The following KIAA1217 variants were observed in gnomAD, a reference collection of about 807,000 sequenced individuals.
The protein encoded by KIAA1217 is sickle tail protein homolog.
A neutral mutation model predicts 163.9 loss-of-function variants in KIAA1217; 88 were observed. The ratio of observed to expected loss-of-function variants is 0.54; its 90% CI spans 0.45 to 0.64. The LOEUF (loss-of-function observed/expected upper bound fraction) is 0.64, where lower values mean the gene tolerates loss of function less well. Ranked by LOEUF, KIAA1217 falls within the 30% of genes least tolerant of loss-of-function variation. KIAA1217 has a pLI of 0.00. For missense variants in KIAA1217, 2,372 were observed against 2,475.0 expected, an observed-to-expected ratio of 0.96 and a Z score of 0.88; for synonymous variants, 903 against 923.1, an observed-to-expected ratio of 0.98 and a Z score of 0.39.
intron 1 of KIAA1217, among the ~76,000 whole-genome samples, chr10:23,981,768 C>T (rs1240137494): frequency 2.0e-5 from 3 of 152,080 alleles, no homozygotes; most frequent in Admixed American, 6.6e-5. Flanking sequence ...GAGAACTGTG[C>T]TTGGGCCTCC....
chr10:23,745,074 A>G, intron 1 of KIAA1217, among the ~76,000 whole-genome samples: 1 of 152,210 alleles, frequency 6.6e-6, no homozygotes, highest in South Asian at 2.1e-4. Flanking sequence ...GGCCAGTCAT[A>G]TTGACATATA....
At chr10:23,799,753 G>T (rs2130953588) in intron 1 of KIAA1217, among the ~76,000 whole-genome samples, 1 of 152,226 alleles carries the variant, frequency 6.6e-6, no homozygotes, top group African/African-American at 2.4e-5. Flanking sequence ...ATTCTATTCT[G>T]TTCTATTAAG....
intron 1 of KIAA1217, among the ~76,000 whole-genome samples, chr10:23,970,948 G>C (rs1456653973): frequency 1.3e-5 from 2 of 152,192 alleles, no homozygotes; most frequent in Non-Finnish European, 2.9e-5. Context: ...TTTACAGAAG[G>C]AGTGAAAGTT....
At chr10:24,322,124 A>G (rs533436287) in intron 2 of KIAA1217, among the ~76,000 whole-genome samples, 81 of 151,902 alleles carry the variant, frequency 5.3e-4, no homozygotes, top group African/African-American at 1.8e-3. Flanking sequence ...AATTATTATT[A>G]TTATCATTTG....
chr10:24,255,744 G>A (rs1213791533), intron 2 of KIAA1217: 4 of 226,864 alleles, frequency 1.8e-5, no homozygotes, highest in South Asian at 4.5e-5. Flanking sequence ...AAAGAGGGCC[G>A]GGGGCCAATC....
chr10:23,884,098 A>G (rs942913663), intron 1 of KIAA1217, among the ~76,000 whole-genome samples: 1 of 151,890 alleles, frequency 6.6e-6, no homozygotes. Context: ...GTGGCCATTA[A>G]GTTTTCAACT....
Position 24,513,281 on chromosome 10 carries a change from G to A in KIAA1217, c.2024G>A (p.Arg675Lys). 1 of 1,614,126 alleles carries A rather than the reference G, an allele frequency of 6.2e-7. No homozygotes were observed. The highest frequency in any genetic ancestry group is 1.1e-5 in the South Asian group (1 of 91,080). The change falls in exon 10 of 21, where the codon AGG becomes AAG. Residue 675 changes from arginine (R) to lysine (K), a missense_variant. Physicochemically the swap from Arg to Lys is conservative, Grantham distance 26 (BLOSUM62 2). Around this residue, in one of 3 missense-constraint regions of KIAA1217, gnomAD observed 1,431 missense variants for 1,470.3 expected, o/e 0.97. Coordinates refer to ENST00000376454, the MANE Select transcript of KIAA1217 (RefSeq NM_019590.5). Reference protein sequence around the residue: ...QLQLQNQELLRAMMKKAELEI... With the variant: ...QLQLQNQELLKAMMKKAELEI... Reference sequence around the variant, plus strand: ...CAGCTGCAGAACCAGGAGTTGCTGAGGGCAATGATGAAGAAGGCCGAGCTG... The same window carrying A: ...CAGCTGCAGAACCAGGAGTTGCTGAAGGCAATGATGAAGAAGGCCGAGCTG...
chr10:24,339,418 C>G (rs1364753782), intron 2 of KIAA1217, among the ~76,000 whole-genome samples: 1 of 152,138 alleles, frequency 6.6e-6, no homozygotes, highest in Non-Finnish European at 1.5e-5. Context: ...AATCCCATGT[C>G]ACCTCTTGTA....
chr10:24,295,601 GTTCTCAGGCCAAT>G (rs1300851582), intron 2 of KIAA1217, among the ~76,000 whole-genome samples: 2 of 152,056 alleles, frequency 1.3e-5, no homozygotes, highest in African/African-American at 4.8e-5. Context: ...TTCCCCAGTT[GTTCTCAGGCCAAT>G]TTCTCAGGCC....
At chr10:23,745,718 G>A (rs1839372040) in intron 1 of KIAA1217, among the ~76,000 whole-genome samples, 1 of 152,184 alleles carries the variant, frequency 6.6e-6, no homozygotes, top group African/African-American at 2.4e-5. Context: ...CTTGGAAAAT[G>A]TGACCGACAG....
intron 1 of KIAA1217, among the ~76,000 whole-genome samples, chr10:23,761,185 G>A (rs191647581): frequency 1.4e-4 from 22 of 152,316 alleles, no homozygotes. Context: ...AAGATCATTT[G>A]AGCCCAGGAG....
chr10:24,196,674 C>A (rs1454380595), intron 2 of KIAA1217, among the ~76,000 whole-genome samples: 1 of 152,168 alleles, frequency 6.6e-6, no homozygotes, highest in Non-Finnish European at 1.5e-5. Context: ...GTGACAGTTG[C>A]GTCCCCTTGG....
intron 1 of KIAA1217, among the ~76,000 whole-genome samples, chr10:23,793,126 C>T (rs967094250): frequency 6.6e-6 from 1 of 152,024 alleles, no homozygotes; most frequent in Non-Finnish European, 1.5e-5. Context: ...ACGATTTGTG[C>T]ATGGTTCTCT....
chr10:24,255,744 G>C, intron 2 of KIAA1217: 2 of 226,978 alleles, frequency 8.8e-6, no homozygotes, highest in South Asian at 4.5e-5. Flanking sequence ...AAAGAGGGCC[G>C]GGGGCCAATC....
intron 2 of KIAA1217, among the ~76,000 whole-genome samples, chr10:24,093,922 T>C (rs1157017678): frequency 6.6e-6 from 1 of 151,296 alleles, no homozygotes; most frequent in Non-Finnish European, 1.5e-5. Context: ...GTTCTTGCAA[T>C]AGTTTACTGA....
upstream of KIAA1217, among the ~76,000 whole-genome samples, chr10:24,203,953 G>GCTGTGCA (rs1164059479): frequency 6.6e-6 from 1 of 152,226 alleles, no homozygotes; most frequent in Admixed American, 6.5e-5. Context: ...TGGCCACAGT[G>GCTGTGCA]CTGTGCACAC....
intron 6 of KIAA1217, 39 bp from the exon 7 acceptor site, chr10:24,494,461 G>A (rs2066523505): frequency 6.5e-7 from 1 of 1,544,708 alleles, no homozygotes; most frequent in Non-Finnish European, 8.9e-7. Context: ...TGGTTTGAAA[G>A]TCCATAAAGC....
At chr10:24,000,328 T>C (rs1316511453) in intron 1 of KIAA1217, among the ~76,000 whole-genome samples, 1 of 152,094 alleles carries the variant, frequency 6.6e-6, no homozygotes, top group East Asian at 1.9e-4. Context: ...GTTCTAGTAA[T>C]AGTGAGTGAT....
rs1460626857 is a variant in KIAA1217, at chr10:24,284,873, C to A, written c.354+64964C>A. On this transcript the variant is annotated intron_variant, in intron 2 of 20. Coordinates refer to ENST00000376454, the MANE Select transcript of KIAA1217 (RefSeq NM_019590.5). ...ATCCGACCAACAGTATATGAGTGTT[C>A]CCTTTTTTCCACAGCTTCGCCAACT... Among the ~76,000 whole-genome samples, 4 of 152,152 alleles carry A rather than the reference C, an allele frequency of 2.6e-5. No homozygotes were observed. The East Asian group carries it at 7.7e-4, about 29-fold the overall frequency.
Sources: allele counts gnomAD v4.1 joint callset (sites outside exome capture counted in the v4.1 genomes callset), GRCh38; gene constraint gnomAD v4.1.1; regional missense constraint gnomAD v4.1.1; transcripts MANE v1.5; gene names NCBI Gene and HGNC (gene_info 2026-07-23, HGNC 2026-07-21).